Variants in AK8 observed in about 807,000 individuals in gnomAD.
AK8 encodes adenylate kinase 8.
In AK8, 44 loss-of-function variants were observed where a neutral mutation model predicts 54.6. That is an observed-to-expected ratio of 0.81 (90% CI 0.63 to 1.04). AK8 has a LOEUF of 1.04. Among genes scored for constraint, AK8 ranks in the 50% least tolerant of loss-of-function variants. AK8 has a pLI of 0.00. For synonymous variants in AK8, 239 were observed against 245.6 expected (o/e 0.97, Z 0.25); for missense variants, 555 against 613.6 (o/e 0.90, Z 1.01).
intron 11 of AK8, among the ~76,000 whole-genome samples, chr9:132,776,532 G>C (rs1326063860): frequency 6.6e-6 from 1 of 152,236 alleles, no homozygotes; most frequent in Non-Finnish European, 1.5e-5. Flanking sequence ...AGCCTGCTGT[G>C]GGGGCGGTGG....
At chr9:132,752,484 C>T (rs1003845709) in intron 11 of AK8, among the ~76,000 whole-genome samples, 55 of 152,106 alleles carry the variant, frequency 3.6e-4, no homozygotes, top group South Asian at 2.1e-4. Flanking sequence ...CTCCTGACCT[C>T]GTGATCTGCC....
intron 11 of AK8, among the ~76,000 whole-genome samples, chr9:132,788,751 T>C: frequency 6.6e-6 from 1 of 152,260 alleles, no homozygotes; most frequent in East Asian, 1.9e-4. Context: ...TGCCCCAAAG[T>C]GCCAGATCCA....
rs141691500 is a variant in AK8 at position 132,811,376 on chromosome 9, C to A, written c.979+3262G>T. On this transcript the variant is annotated intron_variant, in intron 10 of 12. Coordinates refer to ENST00000298545, the MANE Select transcript of AK8 (RefSeq NM_152572.3). Reference sequence around the variant, plus strand: ...AGAGTCAGAGAGGGAGGTGTGATAGCAGAAGCAGAAGTCAGAGAGAGAGAG... The same window carrying A: ...AGAGTCAGAGAGGGAGGTGTGATAGAAGAAGCAGAAGTCAGAGAGAGAGAG... Among the ~76,000 whole-genome samples, 361 of 152,282 alleles carry A rather than the reference C, an allele frequency of 2.4e-3. 1 individual carries two copies. Among genetic ancestry groups the A allele is most frequent in the Non-Finnish European group, 4.3e-3 (294 of 68,022 alleles).
At chr9:132,813,685 C>T (rs1841183642) in intron 10 of AK8, among the ~76,000 whole-genome samples, 1 of 152,186 alleles carries the variant, frequency 6.6e-6, no homozygotes, top group Non-Finnish European at 1.5e-5. Context: ...GGCTGTGTGG[C>T]CTCAGCAGCT....
chr9:132,772,527 G>A (rs1462933295), intron 11 of AK8, among the ~76,000 whole-genome samples: 18 of 152,206 alleles, frequency 1.2e-4, no homozygotes, highest in Admixed American at 1.2e-3. Context: ...AACCAAACCT[G>A]CTGGCACCTT....
intron 12 of AK8, among the ~76,000 whole-genome samples, chr9:132,726,378 G>T (rs952431089): frequency 3.3e-5 from 5 of 151,292 alleles, no homozygotes; most frequent in Non-Finnish European, 7.4e-5. Context: ...GCAGTGGCGC[G>T]ATCTTCGCTC....
At chr9:132,801,204 A>C (rs1203120942) in intron 10 of AK8, among the ~76,000 whole-genome samples, 1 of 152,170 alleles carries the variant, frequency 6.6e-6, no homozygotes, top group East Asian at 1.9e-4. Context: ...CTGGGATTAT[A>C]GGCATGAGCC....
chr9:132,812,905 G>A (rs551539770), intron 10 of AK8, among the ~76,000 whole-genome samples: 5 of 127,178 alleles, frequency 3.9e-5, no homozygotes, highest in East Asian at 2.5e-4. Context: ...CTCATTCTGT[G>A]GCCACCGCAG....
intron 4 of AK8, among the ~76,000 whole-genome samples, chr9:132,863,178 T>C (rs1280953016): frequency 6.6e-6 from 1 of 152,264 alleles, no homozygotes; most frequent in Non-Finnish European, 1.5e-5. Flanking sequence ...GAGGGTGGGC[T>C]GTGCAGCAGG....
At chr9:132,863,877 AG>A in intron 3 of AK8, 99 bp from the exon 4 acceptor site, 2 of 953,896 alleles carry the variant, frequency 2.1e-6, no homozygotes, top group Non-Finnish European at 3.1e-6. Flanking sequence ...CTATGGGAAA[AG>A]GTTGGCCATG....
At chr9:132,864,940 G>A (rs866710993) in intron 3 of AK8, among the ~76,000 whole-genome samples, 1 of 152,222 alleles carries the variant, frequency 6.6e-6, no homozygotes, top group Admixed American at 6.5e-5. Context: ...GAGCTTGTCT[G>A]TCTAAATGCA....
In AK8 at chr9:132,765,186, G is replaced by A. The variant is rs150281155; in HGVS notation, c.1121+27448C>T. Among the ~76,000 whole-genome samples the A allele has an allele frequency of 2.4e-3, 367 of 151,474 alleles. 3 individuals carry two copies. Among genetic ancestry groups the A allele is most frequent in the African/African-American group, 7.5e-3 (310 of 41,324 alleles). On this transcript the variant is annotated intron_variant, in intron 11 of 12. Transcript: ENST00000298545. The stretch of plus-strand genomic sequence containing the variant: ...CACGCACTTGTAGTCCCAGCTACTC[G>A]GGAGGCTGAGGCGGGAGAGTTGCTT...
At chr9:132,866,833 G>A in intron 3 of AK8, 71 bp downstream of exon 3, 3 of 1,377,804 alleles carry the variant, frequency 2.2e-6, no homozygotes, top group Middle Eastern at 1.8e-4. Context: ...TCACGGAGGT[G>A]CAGTCTCATT....
At chr9:132,787,906 G>T (rs1839784195) in intron 11 of AK8, among the ~76,000 whole-genome samples, 1 of 152,046 alleles carries the variant, frequency 6.6e-6, no homozygotes, top group Non-Finnish European at 1.5e-5. Context: ...AGGAAGTAGA[G>T]ACTCCAACTC....
intron 11 of AK8, 25 bp from the exon 12 acceptor site, chr9:132,727,559 T>C: frequency 6.3e-7 from 1 of 1,595,872 alleles, no homozygotes; most frequent in Non-Finnish European, 8.6e-7. Flanking sequence ...ACCATATTAA[T>C]AATGGTTTTT....
chr9:132,746,991 G>C (rs561214587), intron 11 of AK8, among the ~76,000 whole-genome samples: 1 of 152,294 alleles, frequency 6.6e-6, no homozygotes, highest in East Asian at 1.9e-4. Flanking sequence ...ATATTTTACA[G>C]TTGTTACTTT....
intron 11 of AK8, among the ~76,000 whole-genome samples, chr9:132,757,116 G>A (rs146772242): frequency 1.2e-3 from 184 of 151,984 alleles, no homozygotes; most frequent in African/African-American, 3.9e-3. Flanking sequence ...GTGGGCACCC[G>A]ACAGATGACA....
rs1040998920 is a variant in AK8 at position 132,826,331 on chromosome 9, C to T, written c.757+523G>A. 5.9e-5 allele frequency among the ~76,000 whole-genome samples: 9 copies of T among 152,162 alleles called. No individual in the cohort carries two copies. Among genetic ancestry groups the T allele is most frequent in the Admixed American group, 2.0e-4 (3 of 15,272 alleles). ...CGCACAGGCTGCCCGCAGTGGCTCC[C>T]GAGCTGCTGTGAACATTGGCCATTG... On this transcript the variant is annotated intron_variant, in intron 8 of 12. Coordinates refer to ENST00000298545, the MANE Select transcript of AK8 (RefSeq NM_152572.3). The surrounding 1 kb of genome is among the most constrained non-coding windows in gnomAD (Gnocchi z 4.5).
intron 11 of AK8, among the ~76,000 whole-genome samples, chr9:132,744,188 G>T (rs943115663): frequency 6.6e-6 from 1 of 152,110 alleles, no homozygotes; most frequent in African/African-American, 2.4e-5. Flanking sequence ...TGCCTCTCAG[G>T]ACTAAAGATA....
Sources: allele counts gnomAD v4.1 joint callset (sites outside exome capture counted in the v4.1 genomes callset), GRCh38; gene constraint gnomAD v4.1.1; non-coding constraint Gnocchi (gnomAD v3.1); transcripts MANE v1.5; gene names NCBI Gene and HGNC (gene_info 2026-07-23, HGNC 2026-07-21).